Variants in CACNA1E observed in about 807,000 individuals in gnomAD.
CACNA1E encodes calcium voltage-gated channel subunit alpha1 E.
Under a neutral mutation model 259.2 loss-of-function variants are expected in CACNA1E, and 40 were observed. The observed-to-expected ratio is 0.15, with a 90% CI of 0.12 to 0.20. The LOEUF is 0.20. Ranked by LOEUF, CACNA1E falls within the 10% of genes least tolerant of loss-of-function variation. The pLI is 1.00. For missense variants in CACNA1E, 1,874 were observed against 3,040.1 expected, an observed-to-expected ratio of 0.62 and a Z score of 9.02; for synonymous variants, 1,104 against 1,138.5, an observed-to-expected ratio of 0.97 and a Z score of 0.61.
chr1:181,771,195 C>G (rs548535721), intron 35 of CACNA1E, 98 bp from the exon 36 acceptor site: 2 of 667,952 alleles, frequency 3.0e-6, no homozygotes, highest in Non-Finnish European at 5.5e-6. Flanking sequence ...GGTAGGTCAT[C>G]GGGAAGAGCC....
In CACNA1E at chr1:181,736,144, T is replaced by C. The variant is rs1656008862; in HGVS notation, c.3263-131T>C. 9 of 1,058,866 alleles carry C rather than the reference T, an allele frequency of 8.5e-6. No homozygotes were observed. The African/African-American group carries it at 1.1e-4, about 13-fold the overall frequency. 65.6% of individuals were successfully genotyped at this position (1,058,866 alleles called of 1,614,324 possible). A position where few individuals can be genotyped will look rare whatever the true frequency, so the allele number is the denominator to read the frequency against. On this transcript the variant is annotated intron_variant, in intron 21 of 47. Transcript: ENST00000367573. ...TCAGGTAGTAAATACCCCCAGTGCCTGCAGGGCACCTTGTTAGGGACATCC... is the reference window on the plus strand; with the variant it reads ...TCAGGTAGTAAATACCCCCAGTGCCCGCAGGGCACCTTGTTAGGGACATCC...
intron 1 of CACNA1E, among the ~76,000 whole-genome samples, chr1:181,406,976 T>C (rs1293062459): frequency 6.6e-6 from 1 of 152,214 alleles, no homozygotes; most frequent in East Asian, 1.9e-4. Context: ...AAAGGTTGCT[T>C]GACTAGCAAG....
intron 1 of CACNA1E, among the ~76,000 whole-genome samples, chr1:181,507,869 G>A (rs969874505): frequency 1.5e-4 from 23 of 152,268 alleles, no homozygotes; most frequent in South Asian, 1.2e-3. Flanking sequence ...TGCATGAGAC[G>A]TTTCCAGCTG....
chr1:181,724,744 C>T (rs1654737550), intron 17 of CACNA1E, among the ~76,000 whole-genome samples: 1 of 152,178 alleles, frequency 6.6e-6, no homozygotes, highest in South Asian at 2.1e-4. Context: ...CAACCTAGCC[C>T]AGGGGGCCTC....
chr1:181,598,004 G>A (rs1653369034), intron 6 of CACNA1E, among the ~76,000 whole-genome samples: 3 of 152,142 alleles, frequency 2.0e-5, no homozygotes, highest in Admixed American at 2.0e-4. Context: ...ACTATATCAG[G>A]CGCTTAAGGC....
intron 44 of CACNA1E, among the ~76,000 whole-genome samples, chr1:181,791,881 C>T (rs1051723392): frequency 6.6e-6 from 1 of 152,198 alleles, no homozygotes; most frequent in African/African-American, 2.4e-5. Flanking sequence ...GAATGGGCAC[C>T]CCCACAGAGG....
chr1:181,632,837 G>A (rs1007907896), intron 6 of CACNA1E, among the ~76,000 whole-genome samples: 2 of 152,120 alleles, frequency 1.3e-5, no homozygotes, highest in African/African-American at 4.8e-5. Context: ...GCACTTGGAG[G>A]AAACATAAAG....
chr1:181,636,955 G>A (rs1657268792), intron 6 of CACNA1E, among the ~76,000 whole-genome samples: 1 of 152,210 alleles, frequency 6.6e-6, no homozygotes, highest in South Asian at 2.1e-4. Context: ...CTTCTCCAAA[G>A]AGGCTGCCCT....
chr1:181,763,538 G>A lies in CACNA1E; in HGVS notation c.4815+7G>A, dbSNP rs1308481241. 6.4e-7 allele frequency: 1 copy of A among 1,550,648 alleles called. No homozygotes were observed. Among genetic ancestry groups the A allele is most frequent in the East Asian group, 2.3e-5 (1 of 43,472 alleles). On this transcript the variant is annotated splice_region_variant and intron_variant, in intron 34 of 47. Transcript: ENST00000367573. ...CTTTGTGCAGTCCTTTAAGGTAAGAGGTACCAGCAAATCCTCTCTGAGGGT... is the reference window on the plus strand; with the variant it reads ...CTTTGTGCAGTCCTTTAAGGTAAGAAGTACCAGCAAATCCTCTCTGAGGGT...
chr1:181,365,791 A>G (rs1189306687), intron 1 of CACNA1E, among the ~76,000 whole-genome samples: 5 of 152,190 alleles, frequency 3.3e-5, no homozygotes, highest in Admixed American at 3.3e-4. Context: ...TTAGCAGGAA[A>G]TGGCACCTAG....
At chr1:181,683,114 C>T (rs372334586) in intron 7 of CACNA1E, among the ~76,000 whole-genome samples, 2 of 152,298 alleles carry the variant, frequency 1.3e-5, no homozygotes, top group African/African-American at 4.8e-5. Flanking sequence ...TATTGGTTTA[C>T]TTGTCTGGCT....
chr1:181,665,928 T>C (rs1648178921), intron 7 of CACNA1E, among the ~76,000 whole-genome samples: 1 of 152,118 alleles, frequency 6.6e-6, no homozygotes, highest in Non-Finnish European at 1.5e-5. Context: ...CTTTTCCTCA[T>C]CACTAAACAC....
At chr1:181,755,525 C>T in intron 28 of CACNA1E, 128 bp downstream of exon 28, 1 of 758,014 alleles carries the variant, frequency 1.3e-6, no homozygotes, top group Non-Finnish European at 2.2e-6. Context: ...AGCAAAAAGA[C>T]AAAATGGAAT....
At chr1:181,420,899 A>G (rs985958734) in intron 2 of CACNA1E, among the ~76,000 whole-genome samples, 11 of 152,188 alleles carry the variant, frequency 7.2e-5, no homozygotes, top group African/African-American at 2.7e-4. Context: ...TGTGTCCCCC[A>G]CTAGATTGTA....
chr1:181,528,120 C>T (rs1667495610), intron 3 of CACNA1E, among the ~76,000 whole-genome samples: 1 of 150,460 alleles, frequency 6.6e-6, no homozygotes, highest in South Asian at 2.1e-4. Context: ...TCCCACAATT[C>T]CCACATGTTG....
At position 181,779,849 on chromosome 1, in the gene CACNA1E, C is replaced by G. The variant is rs1454476548; in HGVS notation, c.5268-1578C>G. 1.3e-4 allele frequency among the ~76,000 whole-genome samples: 19 copies of G among 146,510 alleles called. No homozygotes were observed. In the East Asian group the frequency reaches 3.5e-3, roughly 27 times the overall value. ...ACACACACACACACACACACACACA[C>G]AGGTCCACCTTAGTCTGTATAGTTA... On this transcript the variant is annotated intron_variant, in intron 38 of 47. Transcript: ENST00000367573.
At chr1:181,456,994 G>A (rs1432964486) in intron 2 of CACNA1E, among the ~76,000 whole-genome samples, 1 of 152,192 alleles carries the variant, frequency 6.6e-6, no homozygotes, top group Non-Finnish European at 1.5e-5. Context: ...GGGGTCTTGT[G>A]CTCACTTTTC....
intron 21 of CACNA1E, 114 bp downstream of exon 21, chr1:181,733,864 A>G (rs868601054): frequency 5.4e-6 from 4 of 743,908 alleles, no homozygotes; most frequent in Middle Eastern, 2.6e-4. Flanking sequence ...ATCATCCTTC[A>G]AGAAGTAAAA....
chr1:181,337,256 C>T (rs563359901), intron 1 of CACNA1E, among the ~76,000 whole-genome samples: 16 of 151,500 alleles, frequency 1.1e-4, no homozygotes, highest in African/African-American at 1.7e-4. Flanking sequence ...CCCAGGTTCA[C>T]GCCATTCTCC....
Sources: allele counts gnomAD v4.1 joint callset (sites outside exome capture counted in the v4.1 genomes callset), GRCh38; gene constraint gnomAD v4.1.1; transcripts MANE v1.5; gene names NCBI Gene and HGNC (gene_info 2026-07-23, HGNC 2026-07-21).